NAALADL2: variants seen among roughly 807,000 people sequenced by gnomAD.
The protein encoded by NAALADL2 is N-acetylated alpha-linked acidic dipeptidase like 2, also known as inactive N-acetylated-alpha-linked acidic dipeptidase-like protein 2.
A neutral mutation model predicts 87.2 loss-of-function variants in NAALADL2; 76 were observed. The ratio of observed to expected loss-of-function variants is 0.87; its 90% CI spans 0.72 to 1.05. NAALADL2 has a LOEUF of 1.05. Ranked by LOEUF, NAALADL2 falls within the 50% of genes least tolerant of loss-of-function variation. The pLI is 0.00. For synonymous variants in NAALADL2, 354 were observed against 331.0 expected, an observed-to-expected ratio of 1.07 and a Z score of -0.75; for missense variants, 1,089 against 945.8, an observed-to-expected ratio of 1.15 and a Z score of -1.99.
At chr3:175,766,588 C>T (rs746874054) in intron 13 of NAALADL2, among the ~76,000 whole-genome samples, 1 of 152,096 alleles carries the variant, frequency 6.6e-6, no homozygotes, top group Non-Finnish European at 1.5e-5. Flanking sequence ...TCTAGGTTCC[C>T]TATGAAATCA....
Position 175,210,885 on chromosome 3 carries a change from G to A in NAALADL2, c.546-23046G>A, listed in dbSNP as rs547082538. Among the ~76,000 whole-genome samples the A allele has an allele frequency of 1.1e-4, 16 of 151,738 alleles. No homozygotes were observed. In the South Asian group the frequency reaches 3.3e-3, roughly 32 times the overall value. ...ACTTATATGCCTTTAAAATTACTAT[G>A]ATTATAGAGGCTGAGCAGGATTTAT... On this transcript the variant is annotated intron_variant, in intron 2 of 13. Transcript: ENST00000454872.
chr3:174,802,172 G>A (rs2109254876), intron 3 of NAALADL2, among the ~76,000 whole-genome samples: 1 of 151,610 alleles, frequency 6.6e-6, no homozygotes, highest in East Asian at 1.9e-4. Context: ...AATAATTATT[G>A]TTTCTCTATT....
chr3:175,648,783 T>C (rs1440683472), intron 11 of NAALADL2, among the ~76,000 whole-genome samples: 4 of 152,190 alleles, frequency 2.6e-5, no homozygotes, highest in Admixed American at 1.3e-4. Flanking sequence ...AAAAAGGTAT[T>C]ATTTTCCTCT....
chr3:175,575,340 A>G (rs73169492), intron 9 of NAALADL2, among the ~76,000 whole-genome samples: 16,952 of 151,974 alleles, frequency 0.11, 1,220 homozygotes, highest in Middle Eastern at 0.17. Context: ...CCTGGAGTGC[A>G]ATGGTACACT....
At chr3:175,509,981 C>A (rs1287610303) in intron 9 of NAALADL2, among the ~76,000 whole-genome samples, 1 of 152,084 alleles carries the variant, frequency 6.6e-6, no homozygotes, top group African/African-American at 2.4e-5. Context: ...CGGTATGTCT[C>A]CTAAAGCTAT....
chr3:175,410,902 G>T (rs1457679253), intron 5 of NAALADL2, among the ~76,000 whole-genome samples: 1 of 152,174 alleles, frequency 6.6e-6, no homozygotes, highest in African/African-American at 2.4e-5. Flanking sequence ...AGAGCAGGAT[G>T]TAAGATAGAA....
intron 3 of NAALADL2, among the ~76,000 whole-genome samples, chr3:174,758,375 T>C (rs1355379043): frequency 6.6e-6 from 1 of 152,216 alleles, no homozygotes. Context: ...AAATAACATA[T>C]ACAACTAGCA....
chr3:175,041,371 CTTGAAGTTTT>C, intron 1 of NAALADL2, among the ~76,000 whole-genome samples: 1 of 152,116 alleles, frequency 6.6e-6, no homozygotes, highest in Admixed American at 6.6e-5. Flanking sequence ...TGCAGAATGA[CTTGAAGTTTT>C]GCTCACAGCA....
At chr3:175,183,134 A>G (rs1050726396) in intron 2 of NAALADL2, among the ~76,000 whole-genome samples, 1 of 152,032 alleles carries the variant, frequency 6.6e-6, no homozygotes, top group Admixed American at 6.6e-5. Flanking sequence ...TTTGGGTATT[A>G]TGAACATTTT....
intron 4 of NAALADL2, among the ~76,000 whole-genome samples, chr3:175,294,410 A>G (rs1756050780): frequency 6.6e-6 from 1 of 152,156 alleles, no homozygotes; most frequent in Non-Finnish European, 1.5e-5. Context: ...GTTCTGGAAA[A>G]CAACCTTATA....
intron 5 of NAALADL2, among the ~76,000 whole-genome samples, chr3:175,386,554 G>T (rs1306467757): frequency 6.6e-6 from 1 of 150,774 alleles, no homozygotes; most frequent in Admixed American, 6.6e-5. Flanking sequence ...TTTGGGAATT[G>T]CCTGGATTCA....
At chr3:175,526,928 C>T (rs1733503114) in intron 9 of NAALADL2, among the ~76,000 whole-genome samples, 1 of 152,160 alleles carries the variant, frequency 6.6e-6, no homozygotes, top group Non-Finnish European at 1.5e-5. Context: ...GAGTTACACT[C>T]CAGGCTTGAG....
At chr3:174,726,342 C>T (rs1302448353) in intron 2 of NAALADL2, among the ~76,000 whole-genome samples, 1 of 152,146 alleles carries the variant, frequency 6.6e-6, no homozygotes, top group Non-Finnish European at 1.5e-5. Context: ...AAAGCAAAGG[C>T]TGTGCAGGTC....
chr3:174,994,263 T>C (rs1359271983), intron 1 of NAALADL2, among the ~76,000 whole-genome samples: 2 of 152,266 alleles, frequency 1.3e-5, no homozygotes, highest in Non-Finnish European at 2.9e-5. Context: ...AAAGACTTGA[T>C]TCCAATCATG....
chr3:175,011,618 C>G (rs1000030402), intron 1 of NAALADL2, among the ~76,000 whole-genome samples: 1 of 152,126 alleles, frequency 6.6e-6, no homozygotes, highest in African/African-American at 2.4e-5. Context: ...CACTGAAACA[C>G]CTCAGTATCC....
At chr3:175,250,870 A>G (rs907120362) in intron 3 of NAALADL2, among the ~76,000 whole-genome samples, 9 of 152,150 alleles carry the variant, frequency 5.9e-5, no homozygotes, top group Non-Finnish European at 8.8e-5. Flanking sequence ...CTGAAGCTTG[A>G]TCTGTGTAAT....
At chr3:175,052,576 A>G (rs1755557761) in intron 1 of NAALADL2, among the ~76,000 whole-genome samples, 1 of 152,188 alleles carries the variant, frequency 6.6e-6, no homozygotes, top group African/African-American at 2.4e-5. Flanking sequence ...TATCCATTTT[A>G]ATGGGTTACT....
intron 2 of NAALADL2, among the ~76,000 whole-genome samples, chr3:174,622,189 G>A (rs143181441): frequency 3.2e-4 from 48 of 152,278 alleles, no homozygotes; most frequent in African/African-American, 1.0e-3. Flanking sequence ...TCTTAGCTGG[G>A]CAAATGGATT....
intron 2 of NAALADL2, among the ~76,000 whole-genome samples, chr3:175,153,503 A>C (rs887495145): frequency 6.6e-6 from 1 of 152,170 alleles, no homozygotes; most frequent in South Asian, 2.1e-4. Flanking sequence ...AACCTTGTCC[A>C]TGGGTCCCTT....
Sources: allele counts gnomAD v4.1 joint callset (sites outside exome capture counted in the v4.1 genomes callset), GRCh38; gene constraint gnomAD v4.1.1; transcripts MANE v1.5; gene names NCBI Gene and HGNC (gene_info 2026-07-23, HGNC 2026-07-21).